The following CORO2B variants were observed in gnomAD, a reference collection of about 807,000 sequenced individuals.
CORO2B encodes coronin 2B, also known as coronin-2B.
CORO2B carries 26 observed loss-of-function variants against 58.8 expected under a neutral mutation model. That is an observed-to-expected ratio of 0.44 (90% CI 0.32 to 0.61). The LOEUF is 0.61. Ranked by LOEUF, CORO2B falls within the 20% of genes least tolerant of loss-of-function variation. The pLI, the probability that CORO2B is intolerant of heterozygous loss-of-function variation, is 0.04. For missense variants in CORO2B, 460 were observed against 645.1 expected (o/e 0.71, Z 3.11); for synonymous variants, 242 against 253.8 (o/e 0.95, Z 0.44).
At chr15:68,667,407 G>C (rs1455467304) in intron 2 of CORO2B, among the ~76,000 whole-genome samples, 1 of 152,210 alleles carries the variant, frequency 6.6e-6, no homozygotes, top group East Asian at 1.9e-4. Flanking sequence ...TTTCACACCT[G>C]TTCCTGCTTC....
At chr15:68,667,429 C>G (rs553541638) in intron 2 of CORO2B, among the ~76,000 whole-genome samples, 1 of 152,228 alleles carries the variant, frequency 6.6e-6, no homozygotes, top group African/African-American at 2.4e-5. Flanking sequence ...AGGCGATGGG[C>G]TCCTTGAGGC....
intron 3 of CORO2B, among the ~76,000 whole-genome samples, chr15:68,697,417 A>G (rs1219244676): frequency 6.6e-6 from 1 of 152,234 alleles, no homozygotes; most frequent in African/African-American, 2.4e-5. Flanking sequence ...CCATCTAATC[A>G]GTTATCCAAA....
intron 2 of CORO2B, among the ~76,000 whole-genome samples, chr15:68,654,974 A>T (rs1901758786): frequency 6.6e-6 from 1 of 152,136 alleles, no homozygotes; most frequent in Non-Finnish European, 1.5e-5. Flanking sequence ...GGGTACAGGG[A>T]TGGTGGTGCA....
chr15:68,627,925 C>G (rs996803064), intron 1 of CORO2B, among the ~76,000 whole-genome samples: 42 of 152,002 alleles, frequency 2.8e-4, no homozygotes, highest in African/African-American at 1.0e-3. Flanking sequence ...AGGCTCTGTG[C>G]TGAGGGAGTT....
intron 2 of CORO2B, among the ~76,000 whole-genome samples, chr15:68,668,394 C>A (rs1425170767): frequency 1.4e-5 from 2 of 147,552 alleles, no homozygotes; most frequent in African/African-American, 4.9e-5. Flanking sequence ...TGAACAAGGG[C>A]GCAAACAGTC....
At chr15:68,678,791 C>T (rs1038111783) in intron 2 of CORO2B, among the ~76,000 whole-genome samples, 3 of 152,242 alleles carry the variant, frequency 2.0e-5, no homozygotes, top group Admixed American at 6.5e-5. Flanking sequence ...GAGCCCCAAA[C>T]TCAGGCACCA....
chr15:68,686,802 G>T (rs896042018), intron 2 of CORO2B, among the ~76,000 whole-genome samples: 6 of 152,008 alleles, frequency 3.9e-5, no homozygotes, highest in African/African-American at 1.4e-4. Flanking sequence ...GGGAGGCTGA[G>T]GCAGAAGAAT....
intron 2 of CORO2B, among the ~76,000 whole-genome samples, chr15:68,662,065 C>G (rs927197654): frequency 3.9e-5 from 6 of 151,924 alleles, no homozygotes; most frequent in Non-Finnish European, 7.4e-5. Flanking sequence ...GGCAGATGTC[C>G]TTTCTCTTCA....
upstream of CORO2B, chr15:68,578,988 C>T (rs1372421439): frequency 2.0e-6 from 2 of 983,328 alleles, no homozygotes; most frequent in African/African-American, 1.8e-5. The surrounding 1 kb of genome is among the most constrained non-coding windows in gnomAD (Gnocchi z 4.2). Context: ...TCCCTCTCTC[C>T]CTTTCTTCCT....
chr15:68,566,893 G>A, the CORO2B span, among the ~76,000 whole-genome samples: 1 of 152,148 alleles, frequency 6.6e-6, no homozygotes, highest in Admixed American at 6.5e-5. Flanking sequence ...CAACTCGTTG[G>A]GGTTTGCCTT....
chr15:68,528,433 G>A, the CORO2B span, among the ~76,000 whole-genome samples: 1 of 152,062 alleles, frequency 6.6e-6, no homozygotes, highest in South Asian at 2.1e-4. Flanking sequence ...TTAATGTGGT[G>A]AATTACAATG....
chr15:68,711,791 G>C, intron 5 of CORO2B, 85 bp downstream of exon 5: 3 of 1,521,644 alleles, frequency 2.0e-6, no homozygotes, highest in South Asian at 1.2e-5. Flanking sequence ...GAAAAAGGCT[G>C]TGCCAGCCCC....
intron 2 of CORO2B, among the ~76,000 whole-genome samples, chr15:68,658,041 C>T (rs1199773281): frequency 6.6e-6 from 1 of 152,232 alleles, no homozygotes; most frequent in Non-Finnish European, 1.5e-5. Context: ...GCTTCACTGG[C>T]AGTTAGGAAA....
intron 2 of CORO2B, among the ~76,000 whole-genome samples, chr15:68,659,101 CTGCAGTGG>C (rs2140284996): frequency 6.6e-6 from 1 of 152,344 alleles, no homozygotes; most frequent in Admixed American, 6.5e-5. Flanking sequence ...AGCAAAGGAC[CTGCAGTGG>C]ACGGTCTGCC....
At chr15:68,574,745 A>T (rs1235259143), upstream of CORO2B, among the ~76,000 whole-genome samples, 1 of 152,198 alleles carries the variant, frequency 6.6e-6, no homozygotes, top group African/African-American at 2.4e-5. Flanking sequence ...ACAGAAGCAA[A>T]TATATTTCAT....
chr15:68,597,177 G>T (rs1306698782), intron 1 of CORO2B, among the ~76,000 whole-genome samples: 1 of 152,066 alleles, frequency 6.6e-6, no homozygotes, highest in Admixed American at 6.5e-5. Flanking sequence ...GGGTCAAGGA[G>T]AAATGACAGA....
chr15:68,561,551 T>C, the CORO2B span, among the ~76,000 whole-genome samples: 7 of 152,290 alleles, frequency 4.6e-5, no homozygotes, highest in African/African-American at 1.7e-4. Flanking sequence ...TCAATCTTGC[T>C]GCAGGGAGGG....
rs1333391479 is a variant in CORO2B, at chr15:68,587,186, A to AC, written c.15+7913dup. Among the ~76,000 whole-genome samples, 7 of 151,922 alleles carry AC rather than the reference A, an allele frequency of 4.6e-5. No homozygotes were observed. In the East Asian group the frequency reaches 1.4e-3, roughly 29 times the overall value. On this transcript the variant is annotated intron_variant, in intron 1 of 11. Transcript: ENST00000261861. The stretch of plus-strand genomic sequence containing the variant: ...AGATCATCCTGGGCAACGTAGTGAG[A>AC]CCCCATCTCTAAAACAAACAAACAA...
intron 1 of CORO2B, among the ~76,000 whole-genome samples, chr15:68,613,758 T>C (rs1021723762): frequency 2.6e-5 from 4 of 152,252 alleles, no homozygotes; most frequent in African/African-American, 9.6e-5. Flanking sequence ...TCTGGCATCT[T>C]TGCAGTCCTT....
Sources: gnomAD v4.1 joint callset for allele counts (sites outside exome capture counted in the v4.1 genomes callset) on GRCh38, gnomAD v4.1.1 for gene constraint, Gnocchi (gnomAD v3.1) non-coding constraint, MANE v1.5 for transcripts, NCBI Gene and HGNC (gene_info 2026-07-23, HGNC 2026-07-21) for gene names.